The following MYH15 variants were observed in gnomAD, a reference collection of about 807,000 sequenced individuals.
MYH15 encodes myosin heavy chain 15, also known as myosin-15.
MYH15 carries 227 observed loss-of-function variants against 240.5 expected under a neutral mutation model. The ratio of observed to expected loss-of-function variants is 0.94; its 90% CI spans 0.85 to 1.05. MYH15 has a LOEUF of 1.05. Among genes scored for constraint, MYH15 ranks in the 50% least tolerant of loss-of-function variants. MYH15 has a pLI of 0.00. For missense variants in MYH15, 2,217 were observed against 2,247.5 expected (o/e 0.99, Z 0.27); for synonymous variants, 785 against 796.7 (o/e 0.99, Z 0.25).
chr3:108,513,015 T>C (rs1318072585), upstream of MYH15, among the ~76,000 whole-genome samples: 3 of 152,186 alleles, frequency 2.0e-5, no homozygotes, highest in Non-Finnish European at 4.4e-5. Flanking sequence ...TACTGACCTC[T>C]GGGTCCCTTT....
At chr3:108,392,954 T>G (rs1185762838) in intron 36 of MYH15, among the ~76,000 whole-genome samples, 3 of 152,194 alleles carry the variant, frequency 2.0e-5, no homozygotes, top group African/African-American at 4.8e-5. Context: ...AATATCCGCC[T>G]TGATACAAAA....
At chr3:108,522,280 A>G (rs1358043932) in intron 1 of MYH15, among the ~76,000 whole-genome samples, 1 of 152,112 alleles carries the variant, frequency 6.6e-6, no homozygotes. Flanking sequence ...GATGTGGCTT[A>G]GTGGGTATTT....
Position 108,437,562 on chromosome 3 carries a change from C to T in MYH15, c.3213G>A (p.Glu1071=). The change falls in exon 25 of 41, where the codon GAG becomes GAA. Residue 1071 remains glutamate (E), a synonymous_variant. Coordinates refer to ENST00000693548, the MANE Select transcript of MYH15 (RefSeq NM_014981.3). ...ACAGAAAGGTGGCTTACTTCCTCAG[C>T]TCTTCTGCCAGGTGTCGCTGGCTGC... ...LESSQRHLAE[E]LRKKELELSQ... is the part of the protein sequence containing the mutation. 1 of 1,612,712 alleles carries T rather than the reference C, an allele frequency of 6.2e-7. No homozygotes were observed. Among genetic ancestry groups the T allele is most frequent in the Non-Finnish European group, 8.5e-7 (1 of 1,179,550 alleles).
chr3:108,398,782 A>G lies in MYH15; in HGVS notation c.4988T>C (p.Val1663Ala). Residue 1663 changes from valine (V) to alanine (A), a missense_variant, in exon 35 of 41, where the codon GTG becomes GCG. Physicochemically the swap from Val to Ala is moderately conservative, Grantham distance 64. Coordinates refer to ENST00000693548, the MANE Select transcript of MYH15 (RefSeq NM_014981.3). ...TQLNSDLKEQ[V>A]AVAERRNSLL... ...AGAGTTGCGCCGCTCAGCCACAGCC[A>G]CCTGCTCCTTCAGATCACTGTTCAG... is the stretch of plus-strand genomic sequence containing the variant. The G allele has an allele frequency of 1.9e-6, 3 of 1,614,202 alleles. No homozygotes were observed. The highest frequency in any genetic ancestry group is 2.5e-6 in the Non-Finnish European group (3 of 1,180,052).
At position 108,444,695 on chromosome 3, in the gene MYH15, G is replaced by T; in HGVS notation, c.2600C>A (p.Ala867Glu). Reference protein sequence around the residue: ...KSEFQREELKAKQVSLTQEKN... With the variant: ...KSEFQREELKEKQVSLTQEKN... ...TTCCTGAGTGAGGGATACTTGCTTT[G>T]CTTTCAGTTCCTCCCTCTGAAACTC... is the stretch of plus-strand genomic sequence containing the variant. Residue 867 changes from alanine (A) to glutamate (E), a missense_variant, in exon 22 of 41, where the codon GCA becomes GAA. By Grantham distance (107) the Ala-to-Glu change is moderately radical (BLOSUM62 -1). Transcript: ENST00000693548. 6.2e-7 allele frequency: 1 copy of T among 1,613,962 alleles called. No homozygotes were observed. The highest frequency in any genetic ancestry group is 8.5e-7 in the Non-Finnish European group (1 of 1,179,918).
the MYH15 span, chr3:108,543,956 A>C: frequency 1.4e-5 from 2 of 145,484 alleles, no homozygotes; most frequent in African/African-American, 2.5e-5. Flanking sequence ...GCTAGTTCAC[A>C]TGTCATCTAG....
At chr3:108,541,600 A>T in the MYH15 span, among the ~76,000 whole-genome samples, 1 of 152,174 alleles carries the variant, frequency 6.6e-6, no homozygotes, top group East Asian at 1.9e-4. Flanking sequence ...AATGGTTGAA[A>T]AACTTGGATT....
chr3:108,386,519 T>C (rs1024699290), intron 38 of MYH15, among the ~76,000 whole-genome samples: 5 of 152,166 alleles, frequency 3.3e-5, no homozygotes, highest in Admixed American at 3.3e-4. Flanking sequence ...GTGAAGTCAC[T>C]AGTGTCTGGC....
upstream of MYH15, among the ~76,000 whole-genome samples, chr3:108,532,306 G>T (rs1351620615): frequency 1.3e-5 from 2 of 151,956 alleles, no homozygotes; most frequent in Non-Finnish European, 2.9e-5. Context: ...AATATGGGTA[G>T]ACCTTATCCA....
rs143032325 is a variant in MYH15 at position 108,414,419 on chromosome 3, C to A, written c.3958G>T (p.Ala1320Ser). 1.2e-6 allele frequency: 2 copies of A among 1,613,710 alleles called. No individual in the cohort carries two copies. The highest frequency in any genetic ancestry group is 1.7e-6 in the Non-Finnish European group (2 of 1,179,858). Residue 1320 changes from alanine to serine, a missense_variant, in exon 30 of 41, where the codon GCC becomes TCC. Coordinates refer to ENST00000693548, the MANE Select transcript of MYH15 (RefSeq NM_014981.3). ...QLEKETKSQSALAHALQKAQR... is the reference protein window; with the variant it reads ...QLEKETKSQSSLAHALQKAQR... Reference sequence around the variant, plus strand: ...GCCTTCTGCAGGGCATGGGCCAGGGCACTCTGGGACTGTAGGGGACACACA... The same window carrying A: ...GCCTTCTGCAGGGCATGGGCCAGGGAACTCTGGGACTGTAGGGGACACACA...
At chr3:108,396,896 G>A (rs1445846939) in intron 35 of MYH15, among the ~76,000 whole-genome samples, 1 of 152,120 alleles carries the variant, frequency 6.6e-6, no homozygotes, top group African/African-American at 2.4e-5. Context: ...TCAGTAGGGG[G>A]AACATTGGCA....
intron 27 of MYH15, among the ~76,000 whole-genome samples, chr3:108,426,561 G>A (rs1001741292): frequency 2.0e-5 from 3 of 152,234 alleles, no homozygotes; most frequent in African/African-American, 4.8e-5. Flanking sequence ...CATCCATACA[G>A]TGCTAACTCT....
At chr3:108,469,972 A>G (rs1472888489) in intron 14 of MYH15, 70 bp downstream of exon 14, 6 of 1,476,900 alleles carry the variant, frequency 4.1e-6, no homozygotes, top group African/African-American at 1.5e-5. Flanking sequence ...AAGTCCTGAC[A>G]TGGATCAACA....
intron 9 of MYH15, among the ~76,000 whole-genome samples, chr3:108,488,144 T>C (rs1318446603): frequency 6.6e-6 from 1 of 152,182 alleles, no homozygotes; most frequent in Non-Finnish European, 1.5e-5. Context: ...TTATTAACTA[T>C]AATCACTATG....
intron 12 of MYH15, among the ~76,000 whole-genome samples, chr3:108,471,532 A>G (rs931310920): frequency 6.6e-6 from 1 of 151,836 alleles, no homozygotes; most frequent in Non-Finnish European, 1.5e-5. Flanking sequence ...CTGCTGAATC[A>G]CTCACCCTTG....
At chr3:108,539,769 C>T in the MYH15 span, among the ~76,000 whole-genome samples, 1 of 151,916 alleles carries the variant, frequency 6.6e-6, no homozygotes, top group Non-Finnish European at 1.5e-5. Context: ...TCTGAACAAA[C>T]CAATTAGCAC....
At chr3:108,390,409 T>C (rs1043136100) in intron 37 of MYH15, among the ~76,000 whole-genome samples, 1 of 152,192 alleles carries the variant, frequency 6.6e-6, no homozygotes, top group Non-Finnish European at 1.5e-5. Context: ...CAATTGGAAA[T>C]AAAACCTGGC....
chr3:108,412,244 G>A (rs1047240884), intron 30 of MYH15, among the ~76,000 whole-genome samples: 9 of 152,072 alleles, frequency 5.9e-5, no homozygotes, highest in African/African-American at 1.7e-4. Context: ...TCATCGAGGC[G>A]GTAACCTTCA....
At chr3:108,485,523 G>A (rs887081288) in intron 10 of MYH15, among the ~76,000 whole-genome samples, 29 of 152,178 alleles carry the variant, frequency 1.9e-4, no homozygotes, top group African/African-American at 6.5e-4. Flanking sequence ...TCACTAACTG[G>A]CTATATGAGG....
Sources: allele counts gnomAD v4.1 joint callset (sites outside exome capture counted in the v4.1 genomes callset), GRCh38; gene constraint gnomAD v4.1.1; transcripts MANE v1.5; gene names NCBI Gene and HGNC (gene_info 2026-07-23, HGNC 2026-07-21).